The following PREX1 variants were observed in gnomAD, a reference collection of about 807,000 sequenced individuals.
The protein encoded by PREX1 is phosphatidylinositol 3,4,5-trisphosphate-dependent Rac exchanger 1 protein.
In PREX1, 41 loss-of-function variants were observed where a neutral mutation model predicts 198.3. The observed-to-expected ratio is 0.21, with a 90% CI of 0.16 to 0.27. PREX1 has a LOEUF of 0.27. Among genes scored for constraint, PREX1 ranks in the 10% least tolerant of loss-of-function variants. PREX1 has a pLI of 1.00. For synonymous variants in PREX1, 843 were observed against 887.2 expected (o/e 0.95, Z 0.89); for missense variants, 1,620 against 2,200.7 (o/e 0.74, Z 5.28).
At position 48,781,269 on chromosome 20, in the gene PREX1, A is replaced by G. The variant is rs971370062; in HGVS notation, c.220-33389T>C. 2.3e-4 allele frequency among the ~76,000 whole-genome samples: 35 copies of G among 152,374 alleles called. No homozygotes were observed. The South Asian group carries it at 6.2e-3, about 27-fold the overall frequency. ...AGATTAATTTTTTCTACTACAAAGA[A>G]GTACTTTGTACTTAGGTAATTATAC... On this transcript the variant is annotated intron_variant, in intron 1 of 39. Transcript: ENST00000371941.
At position 48,789,383 on chromosome 20, in the gene PREX1, A is replaced by G. The variant is rs895653106; in HGVS notation, c.219+38259T>C. ...TAATAATGATGGTAATAACAACATC[A>G]TCAACAGTCAGGGCTTGCTGAGAGC... On this transcript the variant is annotated intron_variant, in intron 1 of 39. Coordinates refer to ENST00000371941, the MANE Select transcript of PREX1 (RefSeq NM_020820.4). 1.6e-4 allele frequency among the ~76,000 whole-genome samples: 24 copies of G among 152,334 alleles called. No homozygotes were observed. The South Asian group carries it at 1.7e-3, about 11-fold the overall frequency.
the PREX1 span, among the ~76,000 whole-genome samples, chr20:48,851,401 G>A: frequency 1.3e-5 from 2 of 152,152 alleles, no homozygotes; most frequent in African/African-American, 4.8e-5. Flanking sequence ...CAGCTATGTG[G>A]GAGGCTGAGG....
intron 1 of PREX1, among the ~76,000 whole-genome samples, chr20:48,789,099 G>A (rs2090325973): frequency 6.6e-6 from 1 of 152,112 alleles, no homozygotes; most frequent in African/African-American, 2.4e-5. Context: ...CTCACACATT[G>A]AGCCCCACCA....
In PREX1 at chr20:48,777,424, C is replaced by T. The variant is rs73120613; in HGVS notation, c.220-29544G>A. Among the ~76,000 whole-genome samples the T allele has an allele frequency of 5.8e-3, 885 of 152,294 alleles. 3 individuals are homozygous for T. Among genetic ancestry groups the T allele is most frequent in the Non-Finnish European group, 7.7e-3 (527 of 68,020 alleles). On this transcript the variant is annotated intron_variant, in intron 1 of 39. Coordinates refer to ENST00000371941, the MANE Select transcript of PREX1 (RefSeq NM_020820.4). ...CAGCAACCTTCAGAACTGACCATTA[C>T]GGTTGATGCTGATCCCATGCCTACC... is the stretch of plus-strand genomic sequence containing the variant.
Position 48,632,783 on chromosome 20 carries a change from C to CA in PREX1, c.4268-145dup, listed in dbSNP as rs2089325993. The CA allele has an allele frequency of 9.5e-6, 8 of 842,716 alleles. No homozygotes were observed. In the Admixed American group the frequency reaches 1.9e-4, roughly 20 times the overall value. 52.2% of individuals were successfully genotyped at this position (842,716 alleles called of 1,614,324 possible). A position where few individuals can be genotyped will look rare whatever the true frequency, so the allele number is the denominator to read the frequency against. On this transcript the variant is annotated intron_variant, in intron 33 of 39. Coordinates refer to ENST00000371941, the MANE Select transcript of PREX1 (RefSeq NM_020820.4). ...GGACCTCCCTGTTCTCCCGACTCTA[C>CA]AGGGGTAGCCTCAGACCTCCCTGCC...
chr20:48,826,546 A>G (rs1313658599), intron 1 of PREX1, among the ~76,000 whole-genome samples: 2 of 151,890 alleles, frequency 1.3e-5, no homozygotes, highest in African/African-American at 4.8e-5. Flanking sequence ...CTCTGGAGCT[A>G]AACTTTCCCA....
At chr20:48,768,748 C>A (rs1399932380) in intron 1 of PREX1, among the ~76,000 whole-genome samples, 3 of 151,706 alleles carry the variant, frequency 2.0e-5, no homozygotes, top group Admixed American at 6.6e-5. Context: ...GCACTCCAGC[C>A]TGGGTGACAA....
chr20:48,661,541 G>GTATATATA (rs1304642368), intron 15 of PREX1, among the ~76,000 whole-genome samples: 5 of 122,566 alleles, frequency 4.1e-5, no homozygotes, highest in African/African-American at 1.6e-4. Flanking sequence ...GTGTGTGTGT[G>GTATATATA]TGTATATATA....
rs1204952173 is a variant in PREX1, at chr20:48,751,144, C to T, written c.220-3264G>A. Among the ~76,000 whole-genome samples, 3 of 152,214 alleles carry T rather than the reference C, an allele frequency of 2.0e-5. No homozygotes were observed. The East Asian group carries it at 5.8e-4, about 29-fold the overall frequency. On this transcript the variant is annotated intron_variant, in intron 1 of 39. Transcript: ENST00000371941. ...GCCTGGCACAGTGCCTGACCCATGC[C>T]GGAGACCTCGACTCAGGCTCCTTGG...
chr20:48,800,635 G>A (rs7360629), intron 1 of PREX1, among the ~76,000 whole-genome samples: 25,195 of 152,002 alleles, frequency 0.17, 2,270 homozygotes, highest in Middle Eastern at 0.29. Context: ...ACTTACCTAC[G>A]AGGCGTAAAA....
chr20:48,761,036 G>A (rs2090176997), intron 1 of PREX1, among the ~76,000 whole-genome samples: 1 of 152,174 alleles, frequency 6.6e-6, no homozygotes, highest in Non-Finnish European at 1.5e-5. Context: ...AGCAGGGTAA[G>A]AAAACAGAGA....
intron 5 of PREX1, among the ~76,000 whole-genome samples, chr20:48,718,634 CA>C (rs1468007291): frequency 6.6e-6 from 1 of 151,682 alleles, no homozygotes; most frequent in Non-Finnish European, 1.5e-5. Flanking sequence ...ATGGAGTTAA[CA>C]AAAAAAGCAC....
intron 3 of PREX1, among the ~76,000 whole-genome samples, chr20:48,739,318 C>T (rs978217774): frequency 6.6e-6 from 1 of 152,218 alleles, no homozygotes; most frequent in Non-Finnish European, 1.5e-5. Flanking sequence ...ATAAAATAAA[C>T]CCCAGGATGC....
the PREX1 span, among the ~76,000 whole-genome samples, chr20:48,859,067 T>C: frequency 6.6e-6 from 1 of 151,840 alleles, no homozygotes; most frequent in Non-Finnish European, 1.5e-5. Flanking sequence ...AGCTCATTAT[T>C]TTTTTAAATT....
chr20:48,761,509 C>T (rs1219152923), intron 1 of PREX1, among the ~76,000 whole-genome samples: 1 of 150,706 alleles, frequency 6.6e-6, no homozygotes, highest in Non-Finnish European at 1.5e-5. Context: ...GTAAAAGGTG[C>T]CCAGTTCTCA....
chr20:48,858,251 C>T, the PREX1 span, among the ~76,000 whole-genome samples: 2 of 152,234 alleles, frequency 1.3e-5, no homozygotes, highest in Admixed American at 6.5e-5. Flanking sequence ...AACCCTGGAA[C>T]TTCCTGGTTA....
chr20:48,776,129 G>A (rs571052798), intron 1 of PREX1, among the ~76,000 whole-genome samples: 2 of 152,092 alleles, frequency 1.3e-5, no homozygotes, highest in Non-Finnish European at 2.9e-5. Context: ...AGGCCCAGCT[G>A]GAGACTCCCC....
At chr20:48,801,825 G>A (rs1269617360) in intron 1 of PREX1, among the ~76,000 whole-genome samples, 1 of 152,180 alleles carries the variant, frequency 6.6e-6, no homozygotes, top group East Asian at 1.9e-4. Flanking sequence ...CTCATGAGTG[G>A]GCTGGTGCCA....
intron 15 of PREX1, among the ~76,000 whole-genome samples, chr20:48,664,065 G>C (rs1222760324): frequency 6.6e-6 from 1 of 152,192 alleles, no homozygotes; most frequent in Non-Finnish European, 1.5e-5. Flanking sequence ...AACAGGGAGA[G>C]AACAGGCCCT....
Sources: gnomAD v4.1 joint callset for allele counts (sites outside exome capture counted in the v4.1 genomes callset) on GRCh38, gnomAD v4.1.1 for gene constraint, MANE v1.5 for transcripts, NCBI Gene and HGNC (gene_info 2026-07-23, HGNC 2026-07-21) for gene names.